TESPA1: variants seen among roughly 807,000 people sequenced by gnomAD.
TESPA1 encodes the protein protein TESPA1.
TESPA1 carries 33 observed loss-of-function variants against 57.9 expected under a neutral mutation model. That is an observed-to-expected ratio of 0.57 (90% CI 0.43 to 0.76). TESPA1 has a LOEUF of 0.76. Ranked by LOEUF, TESPA1 falls within the 30% of genes least tolerant of loss-of-function variation. TESPA1 has a pLI of 0.00. For missense variants in TESPA1, 618 were observed against 632.9 expected (o/e 0.98, Z 0.25); for synonymous variants, 227 against 228.9 (o/e 0.99, Z 0.07).
chr12:54,973,357 A>G, intron 3 of TESPA1, 120 bp downstream of exon 3: 1 of 1,423,826 alleles, frequency 7.0e-7, no homozygotes, highest in Non-Finnish European at 9.8e-7. Flanking sequence ...TCTCAACCTT[A>G]CTTCTAATCT....
intron 9 of TESPA1, among the ~76,000 whole-genome samples, chr12:54,962,202 A>G (rs1388487528): frequency 6.6e-6 from 1 of 152,348 alleles, no homozygotes; most frequent in East Asian, 1.9e-4. Flanking sequence ...AATGGCAATC[A>G]GATCAGGTAT....
At chr12:54,951,536 C>A (rs1950391187) in intron 10 of TESPA1, among the ~76,000 whole-genome samples, 1 of 152,176 alleles carries the variant, frequency 6.6e-6, no homozygotes, top group African/African-American at 2.4e-5. Flanking sequence ...CTTTCACCAT[C>A]CTAGAAAAAA....
rs754372538 is a variant in TESPA1 at position 54,963,131 on chromosome 12, C to T, written c.767G>A (p.Trp256Ter). ...VQKFTPSHMF[W>*]NCNHPTDVPS... ...CACATCAGTTGGATGGTTGCAATTC[C>T]AGAACATGTGGGATGGTGTGAACTT... The change falls in exon 9 of 11, where the codon TGG becomes TAG. Residue 256 changes from tryptophan (W) to a stop codon, truncating the protein, a stop_gained. Coordinates refer to ENST00000449076, the MANE Select transcript of TESPA1 (RefSeq NM_001136030.3). LOFTEE classifies it high-confidence loss of function. 6.2e-7 allele frequency: 1 copy of T among 1,613,894 alleles called. No individual in the cohort carries two copies.
At chr12:54,957,503 A>G (rs928355970) in intron 10 of TESPA1, among the ~76,000 whole-genome samples, 9 of 152,302 alleles carry the variant, frequency 5.9e-5, no homozygotes, top group African/African-American at 1.9e-4. Flanking sequence ...TAATATTGGC[A>G]GTACTGAGCT....
At chr12:54,953,587 A>AGCTCACTG (rs1950537779) in intron 10 of TESPA1, among the ~76,000 whole-genome samples, 1 of 145,668 alleles carries the variant, frequency 6.9e-6, no homozygotes, top group Admixed American at 7.3e-5. Context: ...GCACGATCAC[A>AGCTCACTG]GCTCACTGCA....
At chr12:54,974,273 C>A (rs1565870442) in intron 2 of TESPA1, 127 bp downstream of exon 2, 2 of 717,360 alleles carry the variant, frequency 2.8e-6, no homozygotes, top group Non-Finnish European at 4.2e-6. Flanking sequence ...CATATTTAAA[C>A]CAGTCAAAAC....
intron 9 of TESPA1, 119 bp downstream of exon 9, chr12:54,962,312 A>T: frequency 8.4e-7 from 1 of 1,188,358 alleles, no homozygotes; most frequent in Non-Finnish European, 1.2e-6. Flanking sequence ...AAAGTGGTAT[A>T]TCTGGCTAGG....
At chr12:54,972,351 G>A (rs532626624) in intron 3 of TESPA1, among the ~76,000 whole-genome samples, 93 of 152,332 alleles carry the variant, frequency 6.1e-4, no homozygotes, top group African/African-American at 2.0e-3. Flanking sequence ...TAATCAGACA[G>A]TTAGCAAAAG....
chr12:54,959,716 A>T (rs1203062591), intron 10 of TESPA1, among the ~76,000 whole-genome samples: 1 of 152,126 alleles, frequency 6.6e-6, no homozygotes, highest in Non-Finnish European at 1.5e-5. Flanking sequence ...CCTGTGACCC[A>T]CTTCTCTGAT....
intron 1 of TESPA1, among the ~76,000 whole-genome samples, chr12:54,981,318 G>A (rs138687633): frequency 7.3e-5 from 11 of 151,234 alleles, no homozygotes; most frequent in South Asian, 2.1e-4. Context: ...GCAGGGTACA[G>A]TTGACAGTAT....
At chr12:54,965,939 T>C (rs1951397407) in intron 7 of TESPA1, 114 bp downstream of exon 7, 10 of 968,740 alleles carry the variant, frequency 1.0e-5, no homozygotes, top group Admixed American at 2.3e-5. Flanking sequence ...GCAGTAAAAG[T>C]GCATAAAAGC....
chr12:54,982,244 GA>G (rs1433282963), intron 1 of TESPA1, among the ~76,000 whole-genome samples: 1 of 152,154 alleles, frequency 6.6e-6, no homozygotes, highest in Non-Finnish European at 1.5e-5. Context: ...ACTCAGGTTG[GA>G]AGATCATCAG....
chr12:54,951,950 A>G (rs10876665), intron 10 of TESPA1, among the ~76,000 whole-genome samples: 31,031 of 151,846 alleles, frequency 0.2, 5,389 homozygotes, highest in East Asian at 0.84. Flanking sequence ...GAACTCCAAA[A>G]AGCTCAATTC....
At chr12:54,953,722 G>A (rs1161625701) in intron 10 of TESPA1, among the ~76,000 whole-genome samples, 4 of 151,828 alleles carry the variant, frequency 2.6e-5, no homozygotes, top group Non-Finnish European at 5.9e-5. Flanking sequence ...GGGTTTCACC[G>A]TGTTAGCCAG....
rs1950260984 is a variant in TESPA1 at position 54,949,571 on chromosome 12, C to G, written c.*821G>C. Reference sequence around the variant, plus strand: ...CATGTGCTCAAGCCCTGTTTATTGACAAAACATTTAACTTCCAAAGCAAAC... The same window carrying G: ...CATGTGCTCAAGCCCTGTTTATTGAGAAAACATTTAACTTCCAAAGCAAAC... On this transcript the variant is annotated 3_prime_UTR_variant, in exon 11 of 11. Transcript: ENST00000449076. 1 of 152,286 alleles carries G rather than the reference C, an allele frequency of 6.6e-6. No homozygotes were observed. Among genetic ancestry groups the G allele is most frequent in the Non-Finnish European group, 1.5e-5 (1 of 68,024 alleles). The allele number at this position is 152,286 out of a possible 1,614,324, so 9.4% of individuals were successfully genotyped here. A position where few individuals can be genotyped will look rare whatever the true frequency, so the allele number is the denominator to read the frequency against.
At chr12:54,960,160 A>C (rs919635436) in intron 10 of TESPA1, among the ~76,000 whole-genome samples, 1 of 152,232 alleles carries the variant, frequency 6.6e-6, no homozygotes, top group Non-Finnish European at 1.5e-5. Flanking sequence ...TTCAATAAAG[A>C]TTTTAATTTA....
chr12:54,985,111 GAGA>G (rs1952439619), upstream of TESPA1, among the ~76,000 whole-genome samples: 1 of 152,204 alleles, frequency 6.6e-6, no homozygotes, highest in African/African-American at 2.4e-5. Context: ...GTTTATCTCA[GAGA>G]AGAAGTTTCC....
intron 1 of TESPA1, among the ~76,000 whole-genome samples, chr12:54,977,229 T>G (rs1468475506): frequency 3.3e-5 from 5 of 152,164 alleles, no homozygotes; most frequent in African/African-American, 1.2e-4. Context: ...TCTCACACAT[T>G]GTAACCACTT....
Position 54,963,031 on chromosome 12 carries a change from C to T in TESPA1, c.867G>A (p.Lys289=), listed in dbSNP as rs1035379216. ...PRDRLRKAIS[K]MCLYTCPRDR... ...CTCGGGGGCATGTGTACAGACACAT[C>T]TTGGAGATGGCTTTCCGAAGGCGGT... Residue 289 remains lysine, a synonymous_variant, in exon 9 of 11, where the codon AAG becomes AAA. Transcript: ENST00000449076. 1 of 1,613,720 alleles carries T rather than the reference C, an allele frequency of 6.2e-7. No individual in the cohort carries two copies. Among genetic ancestry groups the T allele is most frequent in the African/African-American group, 1.3e-5 (1 of 74,860 alleles).
Sources: gnomAD v4.1 joint callset for allele counts (sites outside exome capture counted in the v4.1 genomes callset) on GRCh38, gnomAD v4.1.1 for gene constraint, MANE v1.5 for transcripts, NCBI Gene and HGNC (gene_info 2026-07-23, HGNC 2026-07-21) for gene names.